The following TMEM132D variants were observed in gnomAD, a reference collection of about 807,000 sequenced individuals.
The protein encoded by TMEM132D is mature OL transmembrane protein.
Under a neutral mutation model 62.3 loss-of-function variants are expected in TMEM132D, and 21 were observed. That is an observed-to-expected ratio of 0.34 (90% confidence interval 0.24 to 0.49). The LOEUF (loss-of-function observed/expected upper bound fraction) is 0.49. TMEM132D is among the 20% of genes least tolerant of loss of function. TMEM132D has a pLI of 0.99. For missense variants in TMEM132D, 1,346 were observed against 1,402.8 expected (o/e 0.96, Z 0.65); for synonymous variants, 621 against 575.6 (o/e 1.08, Z -1.13).
chr12:129,628,928 TTC>T (rs977405656), intron 2 of TMEM132D, among the ~76,000 whole-genome samples: 1 of 149,614 alleles, frequency 6.7e-6, no homozygotes, highest in Admixed American at 6.7e-5. Context: ...CTATCTCTCT[TTC>T]TCTCTCTCTC....
chr12:129,711,767 T>C (rs887932795), intron 1 of TMEM132D, among the ~76,000 whole-genome samples: 1 of 147,044 alleles, frequency 6.8e-6, no homozygotes, highest in African/African-American at 2.5e-5. Context: ...ATATAAAGGA[T>C]GTGGGATTAT....
In TMEM132D at chr12:129,337,772, C is replaced by T. The variant is rs150095683; in HGVS notation, c.1161G>A (p.Val387=). ...SYEVMQIDVE[V]EEPGDLPATQ... The stretch of plus-strand genomic sequence containing the variant: ...TGGCTGGCAGGTCACCAGGCTCTTC[C>T]ACCTCCACATCGATCTGCATGACCT... The change falls in exon 4 of 9, where the codon GTG becomes GTA. Residue 387 remains valine (V), a synonymous_variant. Transcript: ENST00000422113. 856 of 1,614,012 alleles carry T rather than the reference C, an allele frequency of 5.3e-4. 5 individuals are homozygous for T. Among genetic ancestry groups the T allele is most frequent in the Middle Eastern group, 2.6e-3 (16 of 6,060 alleles).
chr12:129,204,174 A>T (rs1878782700), intron 5 of TMEM132D, among the ~76,000 whole-genome samples: 1 of 152,222 alleles, frequency 6.6e-6, no homozygotes, highest in Non-Finnish European at 1.5e-5. Context: ...AAGGGTTCTT[A>T]ACAAGGTTGA....
chr12:129,591,051 A>G (rs1433211273), intron 2 of TMEM132D, among the ~76,000 whole-genome samples: 1 of 152,228 alleles, frequency 6.6e-6, no homozygotes, highest in Non-Finnish European at 1.5e-5. Context: ...ACATCTGGAC[A>G]TCTCAAGAAT....
intron 1 of TMEM132D, among the ~76,000 whole-genome samples, chr12:129,838,998 C>T (rs1263305451): frequency 6.7e-6 from 1 of 149,292 alleles, no homozygotes; most frequent in African/African-American, 2.5e-5. Flanking sequence ...GTTGCCCAGA[C>T]TGGAGTGCAG....
intron 1 of TMEM132D, among the ~76,000 whole-genome samples, chr12:129,755,993 T>C (rs1392833840): frequency 6.6e-6 from 1 of 152,200 alleles, no homozygotes; most frequent in Non-Finnish European, 1.5e-5. Flanking sequence ...GTGCCCTGTT[T>C]GTCCTGTGAC....
intron 5 of TMEM132D, among the ~76,000 whole-genome samples, chr12:129,118,802 G>A (rs1186836025): frequency 6.6e-6 from 1 of 152,190 alleles, no homozygotes; most frequent in Non-Finnish European, 1.5e-5. Flanking sequence ...TGTTGGATGT[G>A]GCAGGGTGCT....
At chr12:129,625,130 C>T (rs912247769) in intron 2 of TMEM132D, among the ~76,000 whole-genome samples, 15 of 152,322 alleles carry the variant, frequency 9.8e-5, no homozygotes, top group Admixed American at 4.6e-4. Context: ...TCCGTTCAGT[C>T]TCATTGGCTC....
chr12:129,664,761 G>C (rs1054609997), intron 2 of TMEM132D, among the ~76,000 whole-genome samples: 1 of 152,054 alleles, frequency 6.6e-6, no homozygotes, highest in South Asian at 2.1e-4. Flanking sequence ...GAGTAAGCTT[G>C]TTCAGAGAAG....
chr12:129,332,538 T>A (rs994149685), intron 4 of TMEM132D, among the ~76,000 whole-genome samples: 1 of 150,412 alleles, frequency 6.6e-6, no homozygotes, highest in African/African-American at 2.5e-5. Flanking sequence ...CAGCCACAAC[T>A]GTGCTCCCTT....
chr12:129,790,046 A>G (rs10847948), intron 1 of TMEM132D, among the ~76,000 whole-genome samples: 122,269 of 152,166 alleles, frequency 0.8, 49,845 homozygotes, highest in Non-Finnish European at 0.87. Flanking sequence ...GGCTGCTTCG[A>G]CGCCAGCAGG....
intron 4 of TMEM132D, among the ~76,000 whole-genome samples, chr12:129,235,297 A>G (rs1010318495): frequency 3.3e-5 from 5 of 152,298 alleles, no homozygotes; most frequent in East Asian, 3.9e-4. Flanking sequence ...AATGTACGCA[A>G]TTGTGCAACA....
chr12:129,753,979 G>C (rs1870082452), intron 1 of TMEM132D, among the ~76,000 whole-genome samples: 1 of 152,134 alleles, frequency 6.6e-6, no homozygotes. Context: ...TTCTAGCATA[G>C]GTGTGAAGAA....
intron 5 of TMEM132D, among the ~76,000 whole-genome samples, chr12:129,173,944 A>G (rs1877821199): frequency 6.6e-6 from 1 of 152,120 alleles, no homozygotes; most frequent in Non-Finnish European, 1.5e-5. Context: ...ATATCTCCAA[A>G]TTGCTCAAAT....
chr12:129,572,010 C>T lies in TMEM132D; in HGVS notation c.969-40805G>A, dbSNP rs556318857. Among the ~76,000 whole-genome samples, 8 of 152,254 alleles carry T rather than the reference C, an allele frequency of 5.3e-5. No homozygotes were observed. In the South Asian group the frequency reaches 1.0e-3, roughly 20 times the overall value. On this transcript the variant is annotated intron_variant, in intron 2 of 8. Transcript: ENST00000422113. ...AAGGTGTCCCTGCCATGCATGCTAA[C>T]GGGCTATCAAGAGGTGACCTCATCC...
intron 2 of TMEM132D, among the ~76,000 whole-genome samples, chr12:129,543,150 G>T (rs950220277): frequency 2.9e-5 from 4 of 139,136 alleles, no homozygotes; most frequent in Admixed American, 2.3e-4. Context: ...CAGCTGGACA[G>T]ATGGATGAAT....
chr12:129,607,774 G>A (rs1175967338), intron 2 of TMEM132D, among the ~76,000 whole-genome samples: 1 of 152,122 alleles, frequency 6.6e-6, no homozygotes, highest in Non-Finnish European at 1.5e-5. Flanking sequence ...TCTGTGTTTT[G>A]GAGTACCTGT....
At chr12:129,408,360 CTG>C (rs1416057858) in intron 3 of TMEM132D, among the ~76,000 whole-genome samples, 1 of 151,502 alleles carries the variant, frequency 6.6e-6, no homozygotes, top group African/African-American at 2.4e-5. Context: ...AGTAAGAACA[CTG>C]AACTGCTAGC....
intron 4 of TMEM132D, among the ~76,000 whole-genome samples, chr12:129,259,471 G>A (rs1209998041): frequency 6.6e-6 from 1 of 152,242 alleles, no homozygotes; most frequent in African/African-American, 2.4e-5. Flanking sequence ...GCACAGTGAA[G>A]TGCAGAAGAT....
Sources: allele counts gnomAD v4.1 joint callset (sites outside exome capture counted in the v4.1 genomes callset), GRCh38; gene constraint gnomAD v4.1.1; transcripts MANE v1.5; gene names NCBI Gene and HGNC (gene_info 2026-07-23, HGNC 2026-07-21).